The following PPP3CA variants were observed in gnomAD, a reference collection of about 807,000 sequenced individuals.
PPP3CA encodes CAM-PRP catalytic subunit.
A neutral mutation model predicts 66.5 loss-of-function variants in PPP3CA; 14 were observed. The ratio of observed to expected loss-of-function variants is 0.21; its 90% CI spans 0.14 to 0.33. The LOEUF (loss-of-function observed/expected upper bound fraction) is 0.33. Ranked by LOEUF, PPP3CA falls within the 10% of genes least tolerant of loss-of-function variation. The probability of loss-of-function intolerance (pLI) is 1.00; values close to 1 mark genes in which losing one functional copy is unlikely to be tolerated. For missense variants in PPP3CA, 317 were observed against 639.5 expected (o/e 0.50, Z 5.44); for synonymous variants, 232 against 226.2 (o/e 1.03, Z -0.23).
intron 1 of PPP3CA, among the ~76,000 whole-genome samples, chr4:101,219,936 T>C (rs950493776): frequency 2.0e-5 from 3 of 151,818 alleles, no homozygotes; most frequent in South Asian, 2.1e-4. Context: ...CAAATAAATG[T>C]TACTGAACGT....
intron 1 of PPP3CA, among the ~76,000 whole-genome samples, chr4:101,208,276 C>T (rs781664209): frequency 6.6e-6 from 1 of 152,126 alleles, no homozygotes; most frequent in African/African-American, 2.4e-5. Context: ...GTGTGCTACT[C>T]GAACAATGGA....
chr4:101,206,681 T>C (rs560930532), intron 1 of PPP3CA, among the ~76,000 whole-genome samples: 4 of 152,226 alleles, frequency 2.6e-5, no homozygotes, highest in Admixed American at 1.3e-4. Flanking sequence ...GAGTGTCTAG[T>C]CCAGTACTCT....
chr4:101,117,015 A>G (rs1721856712), intron 2 of PPP3CA, among the ~76,000 whole-genome samples: 1 of 151,808 alleles, frequency 6.6e-6, no homozygotes. Context: ...AAGAAACAAT[A>G]AAGCTATAAA....
At chr4:101,273,361 T>A (rs535030977) in intron 1 of PPP3CA, among the ~76,000 whole-genome samples, 6 of 152,112 alleles carry the variant, frequency 3.9e-5, no homozygotes, top group Non-Finnish European at 7.4e-5. Context: ...CTATGCAGCC[T>A]GAGTGACAGA....
chr4:101,276,496 C>T (rs898564015), intron 1 of PPP3CA, among the ~76,000 whole-genome samples: 14 of 152,114 alleles, frequency 9.2e-5, no homozygotes, highest in Non-Finnish European at 2.1e-4. Flanking sequence ...AACTTTTACA[C>T]TGAATGTTTT....
intron 6 of PPP3CA, among the ~76,000 whole-genome samples, chr4:101,089,560 C>G (rs1729819264): frequency 6.6e-6 from 1 of 152,106 alleles, no homozygotes; most frequent in South Asian, 2.1e-4. Context: ...CATTTTGAAG[C>G]AAGGTAAACC....
intron 5 of PPP3CA, among the ~76,000 whole-genome samples, chr4:101,094,347 T>C (rs773243344): frequency 7.2e-5 from 11 of 152,332 alleles, no homozygotes; most frequent in Non-Finnish European, 1.3e-4. Context: ...TTCCTATTAC[T>C]GCCTCTATTA....
chr4:101,339,352 G>T (rs1254958929), intron 1 of PPP3CA, among the ~76,000 whole-genome samples: 1 of 152,010 alleles, frequency 6.6e-6, no homozygotes, highest in African/African-American at 2.4e-5. Flanking sequence ...TTTCTCATTT[G>T]TCAGAAATTG....
At chr4:101,112,899 C>T (rs931279336) in intron 2 of PPP3CA, among the ~76,000 whole-genome samples, 5 of 152,106 alleles carry the variant, frequency 3.3e-5, no homozygotes, top group Admixed American at 1.3e-4. Flanking sequence ...AGTGCCTAGA[C>T]ACTTGTGTGC....
At chr4:101,135,726 C>T (rs1172396760) in intron 2 of PPP3CA, among the ~76,000 whole-genome samples, 3 of 152,212 alleles carry the variant, frequency 2.0e-5, no homozygotes, top group African/African-American at 4.8e-5. Context: ...GAATAGCTGG[C>T]ACTGTGATGT....
chr4:101,131,266 A>AAATC (rs1722424528), intron 2 of PPP3CA, among the ~76,000 whole-genome samples: 1 of 150,012 alleles, frequency 6.7e-6, no homozygotes. Context: ...ATAAATAAAT[A>AAATC]AATAAATAAA....
intron 1 of PPP3CA, among the ~76,000 whole-genome samples, chr4:101,251,501 A>G (rs1726675932): frequency 6.6e-6 from 1 of 152,108 alleles, no homozygotes; most frequent in Admixed American, 6.5e-5. Context: ...TCCAACAATG[A>G]CTAGTTCTTC....
intron 2 of PPP3CA, among the ~76,000 whole-genome samples, chr4:101,184,056 A>G (rs1159750969): frequency 6.6e-6 from 1 of 152,192 alleles, no homozygotes; most frequent in African/African-American, 2.4e-5. Flanking sequence ...AGTGACTCCC[A>G]TAGACTTCCA....
At chr4:101,276,374 A>G (rs547690094) in intron 1 of PPP3CA, among the ~76,000 whole-genome samples, 1 of 152,330 alleles carries the variant, frequency 6.6e-6, no homozygotes, top group East Asian at 1.9e-4. Flanking sequence ...ACAGACTCTG[A>G]AAGCATAGGT....
At chr4:101,095,015 T>C (rs965911140) in intron 5 of PPP3CA, among the ~76,000 whole-genome samples, 1 of 151,992 alleles carries the variant, frequency 6.6e-6, no homozygotes. Context: ...ATGTAAGTAA[T>C]GGTTTTGTTG....
chr4:101,308,347 A>ATT (rs1728611508), intron 1 of PPP3CA, among the ~76,000 whole-genome samples: 1 of 152,222 alleles, frequency 6.6e-6, no homozygotes, highest in African/African-American at 2.4e-5. Context: ...TATGAAAGAT[A>ATT]TTGGTATTAC....
intron 8 of PPP3CA, among the ~76,000 whole-genome samples, chr4:101,066,779 A>G (rs980958423): frequency 8.5e-5 from 13 of 152,104 alleles, no homozygotes; most frequent in Non-Finnish European, 1.5e-4. Context: ...CGCCCCTGCC[A>G]CCTGCCTCCG....
At position 101,042,049 on chromosome 4, in the gene PPP3CA, G is replaced by A. The variant is rs77385819; in HGVS notation, c.1157-1483C>T. ...AGATTTCTACTGTTTCCCTTAGAGG[G>A]CTTTTATGAACACCATTTCTAATCT... is the stretch of plus-strand genomic sequence containing the variant. On this transcript the variant is annotated intron_variant, in intron 10 of 13. Coordinates refer to ENST00000394854, the MANE Select transcript of PPP3CA (RefSeq NM_000944.5). Among the ~76,000 whole-genome samples the A allele has an allele frequency of 1.7e-4, 26 of 152,072 alleles. No individual in the cohort carries two copies. In the East Asian group the frequency reaches 4.8e-3, roughly 28 times the overall value.
intron 1 of PPP3CA, among the ~76,000 whole-genome samples, chr4:101,301,069 A>C (rs1728359861): frequency 6.6e-6 from 1 of 152,180 alleles, no homozygotes; most frequent in Non-Finnish European, 1.5e-5. Flanking sequence ...ACCATCATTC[A>C]CCACAAATGG....
Sources: allele counts gnomAD v4.1 joint callset (sites outside exome capture counted in the v4.1 genomes callset), GRCh38; gene constraint gnomAD v4.1.1; transcripts MANE v1.5; gene names NCBI Gene and HGNC (gene_info 2026-07-23, HGNC 2026-07-21).